The following PHKB variants were observed in gnomAD, a reference collection of about 807,000 sequenced individuals.
PHKB encodes the protein phosphorylase kinase regulatory subunit beta.
PHKB carries 122 observed loss-of-function variants against 152.1 expected under a neutral mutation model. The observed-to-expected ratio is 0.80, with a 90% CI of 0.69 to 0.93. The LOEUF is 0.93. PHKB is among the 40% of genes least tolerant of loss of function. The pLI, the probability that PHKB is intolerant of heterozygous loss-of-function variation, is 0.00. For synonymous variants in PHKB, 436 were observed against 464.9 expected (o/e 0.94, Z 0.80); for missense variants, 1,304 against 1,328.4 (o/e 0.98, Z 0.29).
chr16:47,621,936 C>CTTAAA (rs879809849), intron 14 of PHKB, among the ~76,000 whole-genome samples: 5 of 152,092 alleles, frequency 3.3e-5, no homozygotes, highest in Admixed American at 1.3e-4. Flanking sequence ...AAAAAATGAG[C>CTTAAA]TTAAACACAT....
chr16:47,658,669 GC>G (rs1249862192), intron 20 of PHKB, among the ~76,000 whole-genome samples: 1 of 152,090 alleles, frequency 6.6e-6, no homozygotes, highest in East Asian at 1.9e-4. Context: ...AGAGCAATAG[GC>G]TGTGCCATAT....
chr16:47,598,911 A>C, intron 13 of PHKB: 2 of 1,592,404 alleles, frequency 1.3e-6, no homozygotes, highest in Non-Finnish European at 1.7e-6. Flanking sequence ...GAACGTCAAG[A>C]ATCTTTGTGT....
chr16:47,679,296 A>G (rs963793472), intron 26 of PHKB, among the ~76,000 whole-genome samples: 1 of 152,156 alleles, frequency 6.6e-6, no homozygotes, highest in South Asian at 2.1e-4. Flanking sequence ...GTTTTTTCCA[A>G]TTCTGTGAAA....
intron 1 of PHKB, among the ~76,000 whole-genome samples, chr16:47,470,042 C>T (rs1348948029): frequency 2.0e-5 from 3 of 152,150 alleles, no homozygotes; most frequent in African/African-American, 7.2e-5. Flanking sequence ...TAGTGCTTTA[C>T]ATTTAAATCT....
chr16:47,555,182 T>G (rs1971346960), intron 7 of PHKB, among the ~76,000 whole-genome samples: 1 of 152,250 alleles, frequency 6.6e-6, no homozygotes, highest in Non-Finnish European at 1.5e-5. Flanking sequence ...TTTGATATTT[T>G]CTTCATCGAA....
At chr16:47,465,738 CTGAG>C (rs1170256766) in intron 1 of PHKB, among the ~76,000 whole-genome samples, 1 of 152,162 alleles carries the variant, frequency 6.6e-6, no homozygotes, top group Non-Finnish European at 1.5e-5. Context: ...TTTAAGTACT[CTGAG>C]TGGTTTGCAT....
chr16:47,698,325 G>A (rs1974186774), intron 29 of PHKB, 123 bp from the exon 30 acceptor site: 2 of 789,714 alleles, frequency 2.5e-6, no homozygotes, highest in South Asian at 1.5e-5. Flanking sequence ...TCCTTCCATA[G>A]GTGATCCTTG....
chr16:47,605,535 C>G lies in PHKB; in HGVS notation c.1364-5291C>G, dbSNP rs115591588. ...TATAGCATGACAGTGAAAACTTGTT[C>G]GTTTTAGAAATTTTTTCACATCTCA... On this transcript the variant is annotated intron_variant, in intron 13 of 30. Coordinates refer to ENST00000323584, the MANE Select transcript of PHKB (RefSeq NM_000293.3). Among the ~76,000 whole-genome samples, 638 of 152,178 alleles carry G rather than the reference C, an allele frequency of 4.2e-3. 6 individuals carry two copies. The highest frequency in any genetic ancestry group is 0.015 in the African/African-American group (608 of 41,548).
intron 28 of PHKB, among the ~76,000 whole-genome samples, chr16:47,695,684 T>C (rs973625771): frequency 6.6e-6 from 1 of 152,240 alleles, no homozygotes; most frequent in African/African-American, 2.4e-5. Context: ...AGTCACCCCA[T>C]CTGCCTTCCA....
chr16:47,587,860 G>T, intron 9 of PHKB, 97 bp downstream of exon 9: 1 of 943,892 alleles, frequency 1.1e-6, no homozygotes, highest in South Asian at 1.4e-5. Flanking sequence ...TAAAATGTTA[G>T]TGATCGTCCA....
intron 26 of PHKB, among the ~76,000 whole-genome samples, chr16:47,681,612 C>A (rs1206960185): frequency 6.6e-6 from 1 of 151,340 alleles, no homozygotes; most frequent in Non-Finnish European, 1.5e-5. Flanking sequence ...TTTTTGTTTT[C>A]CATTTGCTTG....
intron 1 of PHKB, among the ~76,000 whole-genome samples, chr16:47,492,729 G>A (rs1970171553): frequency 6.6e-6 from 1 of 152,188 alleles, no homozygotes; most frequent in Non-Finnish European, 1.5e-5. Flanking sequence ...ACACCTGGGA[G>A]TGACAGGGGT....
intron 13 of PHKB, among the ~76,000 whole-genome samples, chr16:47,600,079 A>G (rs1201402712): frequency 6.6e-6 from 1 of 152,216 alleles, no homozygotes; most frequent in Non-Finnish European, 1.5e-5. Context: ...TTAAAAATAT[A>G]GTATATGACT....
At chr16:47,647,501 C>A (rs1238810778) in intron 16 of PHKB, among the ~76,000 whole-genome samples, 1 of 144,744 alleles carries the variant, frequency 6.9e-6, no homozygotes, top group African/African-American at 2.5e-5. Context: ...ATTTTAACAT[C>A]TTTTTTTTTT....
rs553524385 is a variant in PHKB, at chr16:47,651,129, T to A, written c.1971+208T>A. 3.9e-5 allele frequency among the ~76,000 whole-genome samples: 6 copies of A among 152,318 alleles called. No individual in the cohort carries two copies. The South Asian group carries it at 1.2e-3, about 32-fold the overall frequency. On this transcript the variant is annotated intron_variant, in intron 20 of 30. Transcript: ENST00000323584. ...TTGCAGCAATTTCCTGTGCAGAATTTTAGACTTCAGTAGCTCATCTCTAAA... is the reference window on the plus strand; with the variant it reads ...TTGCAGCAATTTCCTGTGCAGAATTATAGACTTCAGTAGCTCATCTCTAAA...
intron 1 of PHKB, among the ~76,000 whole-genome samples, chr16:47,484,035 T>C (rs1363191077): frequency 6.6e-6 from 1 of 152,190 alleles, no homozygotes; most frequent in Non-Finnish European, 1.5e-5. Flanking sequence ...AATACAGCTC[T>C]GACCTCACAG....
intron 1 of PHKB, among the ~76,000 whole-genome samples, chr16:47,465,982 G>GA (rs955638703): frequency 6.6e-6 from 1 of 152,094 alleles, no homozygotes; most frequent in African/African-American, 2.4e-5. Context: ...TCTTGATTTT[G>GA]AAAAATTTAT....
At position 47,660,696 on chromosome 16, in the gene PHKB, C is replaced by T; in HGVS notation, c.2073C>T (p.Pro691=). ...AGAGTTTTGAGGAACTAGAACCTCC[C>T]AAACATTCAAAAGTCAAACGGCAAA... is the stretch of plus-strand genomic sequence containing the variant. ...EFKSFEELEP[P]KHSKVKRQSS... The change falls in exon 22 of 31, where the codon CCC becomes CCT. Residue 691 remains proline (P), a synonymous_variant. Transcript: ENST00000323584. 6.2e-7 allele frequency: 1 copy of T among 1,614,076 alleles called. No homozygotes were observed. Among genetic ancestry groups the T allele is most frequent in the East Asian group, 2.2e-5 (1 of 44,884 alleles).
At chr16:47,525,560 G>A (rs1197106664) in intron 6 of PHKB, among the ~76,000 whole-genome samples, 5 of 152,094 alleles carry the variant, frequency 3.3e-5, no homozygotes, top group Non-Finnish European at 1.5e-5. Flanking sequence ...AAACTCCTAG[G>A]GAACAAGAGA....
Sources: gnomAD v4.1 joint callset for allele counts (sites outside exome capture counted in the v4.1 genomes callset) on GRCh38, gnomAD v4.1.1 for gene constraint, MANE v1.5 for transcripts, NCBI Gene and HGNC (gene_info 2026-07-23, HGNC 2026-07-21) for gene names.